The following PTPRD variants were observed in gnomAD, a reference collection of about 807,000 sequenced individuals.
PTPRD encodes the protein receptor-type tyrosine-protein phosphatase delta.
Under a neutral mutation model 214.5 loss-of-function variants are expected in PTPRD, and 34 were observed. The observed-to-expected ratio is 0.16, with a 90% CI of 0.12 to 0.21. The LOEUF is 0.21. Ranked by LOEUF, PTPRD falls within the 10% of genes least tolerant of loss-of-function variation. The pLI is 1.00. For missense variants in PTPRD, 2,545 were observed against 2,398.7 expected (o/e 1.06, Z -1.27); for synonymous variants, 1,128 against 845.7 (o/e 1.33, Z -5.79).
chr9:9,624,399 C>A (rs971226561), intron 7 of PTPRD, among the ~76,000 whole-genome samples: 1 of 152,122 alleles, frequency 6.6e-6, no homozygotes, highest in African/African-American at 2.4e-5. Flanking sequence ...TCTCCTGCCT[C>A]AGCCTCCTGA....
At chr9:10,413,950 T>G (rs1201180037) in intron 2 of PTPRD, among the ~76,000 whole-genome samples, 1 of 151,924 alleles carries the variant, frequency 6.6e-6, no homozygotes, top group African/African-American at 2.4e-5. Context: ...TATAGAAAGA[T>G]CAACTTAAGA....
chr9:9,927,841 T>C (rs1167669100), intron 5 of PTPRD, among the ~76,000 whole-genome samples: 1 of 152,110 alleles, frequency 6.6e-6, no homozygotes, highest in Non-Finnish European at 1.5e-5. Flanking sequence ...TTTCATGTCA[T>C]TTGCATTTTC....
At chr9:9,970,750 T>C (rs1179433348) in intron 4 of PTPRD, among the ~76,000 whole-genome samples, 2 of 152,160 alleles carry the variant, frequency 1.3e-5, no homozygotes, top group South Asian at 2.1e-4. Flanking sequence ...CTTAGCTGAA[T>C]GGGAAGGCAG....
chr9:9,929,053 G>A (rs2085394369), intron 5 of PTPRD, among the ~76,000 whole-genome samples: 1 of 152,088 alleles, frequency 6.6e-6, no homozygotes, highest in Non-Finnish European at 1.5e-5. Flanking sequence ...CTCATACATG[G>A]CAGAGTAGAT....
intron 3 of PTPRD, among the ~76,000 whole-genome samples, chr9:10,257,342 C>G (rs896703102): frequency 6.6e-6 from 1 of 152,150 alleles, no homozygotes; most frequent in Non-Finnish European, 1.5e-5. Flanking sequence ...TACTTGACCT[C>G]TAACTGGAGA....
intron 8 of PTPRD, among the ~76,000 whole-genome samples, chr9:9,498,285 CCAAGT>C (rs2096273720): frequency 6.6e-6 from 1 of 152,074 alleles, no homozygotes; most frequent in Non-Finnish European, 1.5e-5. Context: ...GTCTTGTAAG[CCAAGT>C]ATGAATGTTG....
At chr9:10,518,365 AC>A (rs893419335) in intron 2 of PTPRD, among the ~76,000 whole-genome samples, 2 of 152,086 alleles carry the variant, frequency 1.3e-5, no homozygotes, top group Middle Eastern at 3.2e-3. Context: ...TTAATTACCT[AC>A]ATGTAGGGCA....
intron 5 of PTPRD, among the ~76,000 whole-genome samples, chr9:9,907,465 C>T (rs1204775662): frequency 3.3e-5 from 5 of 151,948 alleles, no homozygotes; most frequent in Admixed American, 2.0e-4. Context: ...CACGGCTTGA[C>T]CATGGTTGTC....
chr9:10,199,194 A>G (rs191612328), intron 3 of PTPRD, among the ~76,000 whole-genome samples: 2 of 152,034 alleles, frequency 1.3e-5, no homozygotes, highest in Non-Finnish European at 2.9e-5. Flanking sequence ...TATAATGTAT[A>G]TTTCCTCGTA....
intron 4 of PTPRD, among the ~76,000 whole-genome samples, chr9:9,956,138 C>A (rs770615101): frequency 7.2e-5 from 11 of 152,060 alleles, no homozygotes; most frequent in Non-Finnish European, 8.8e-5. Context: ...GTCTTCATTT[C>A]ATCATAAATA....
At chr9:8,755,412 C>G (rs1193122369) in intron 11 of PTPRD, among the ~76,000 whole-genome samples, 16 of 151,546 alleles carry the variant, frequency 1.1e-4, no homozygotes, top group Non-Finnish European at 7.4e-5. Context: ...GCCTGTAATC[C>G]CAGCTACTCA....
chr9:9,846,043 G>A (rs2059468350), intron 5 of PTPRD, among the ~76,000 whole-genome samples: 1 of 152,022 alleles, frequency 6.6e-6, no homozygotes, highest in African/African-American at 2.4e-5. Context: ...GTAATTCCTA[G>A]TGTTATACAA....
intron 8 of PTPRD, among the ~76,000 whole-genome samples, chr9:9,456,979 G>T (rs1412270097): frequency 6.6e-6 from 1 of 151,228 alleles, no homozygotes; most frequent in Non-Finnish European, 1.5e-5. Context: ...ACTGTAACAG[G>T]CATGACAAGT....
intron 8 of PTPRD, among the ~76,000 whole-genome samples, chr9:9,484,175 A>G (rs934589639): frequency 4.6e-5 from 7 of 151,958 alleles, no homozygotes; most frequent in African/African-American, 1.7e-4. Flanking sequence ...TAAACATTTA[A>G]AAGTTCTATT....
intron 7 of PTPRD, among the ~76,000 whole-genome samples, chr9:9,658,386 A>C (rs2096561216): frequency 6.6e-6 from 1 of 152,182 alleles, no homozygotes; most frequent in Non-Finnish European, 1.5e-5. Flanking sequence ...AGTACTTATA[A>C]TGTATTAAAA....
chr9:8,653,213 G>A (rs186230889), intron 12 of PTPRD, among the ~76,000 whole-genome samples: 357 of 152,276 alleles, frequency 2.3e-3, no homozygotes, highest in African/African-American at 8.2e-3. Flanking sequence ...ATGGGCTGCA[G>A]TTAATAATTA....
rs868502009 is a variant in PTPRD at position 8,858,838 on chromosome 9, C to T, written c.-103-124892G>A. Among the ~76,000 whole-genome samples the T allele has an allele frequency of 6.6e-3, 875 of 132,710 alleles. 10 individuals carry two copies. The highest frequency in any genetic ancestry group is 0.049 in the Middle Eastern group (12 of 246). 87.1% of individuals were successfully genotyped at this position (132,710 alleles called of 152,430 possible). ...ACACACACACACACACATACACACA[C>T]ACAGACACACAGACACACACACACC... On this transcript the variant is annotated intron_variant, in intron 11 of 45. Transcript: ENST00000381196.
intron 16 of PTPRD, among the ~76,000 whole-genome samples, chr9:8,527,116 A>C (rs2074374331): frequency 6.6e-6 from 1 of 151,696 alleles, no homozygotes; most frequent in African/African-American, 2.4e-5. Flanking sequence ...ATCTTATACT[A>C]CTTGCTATGC....
At chr9:9,246,246 G>A (rs753195076) in intron 9 of PTPRD, among the ~76,000 whole-genome samples, 8 of 151,908 alleles carry the variant, frequency 5.3e-5, no homozygotes, top group African/African-American at 1.5e-4. Context: ...AGTGTCCTCC[G>A]ATATGTCTCG....
Sources: gnomAD v4.1 joint callset for allele counts (sites outside exome capture counted in the v4.1 genomes callset) on GRCh38, gnomAD v4.1.1 for gene constraint, MANE v1.5 for transcripts, NCBI Gene and HGNC (gene_info 2026-07-23, HGNC 2026-07-21) for gene names.